Variants in PTPRD observed in about 807,000 individuals in gnomAD.
PTPRD encodes the protein protein tyrosine phosphatase receptor type D.
In PTPRD, 34 loss-of-function variants were observed where a neutral mutation model predicts 214.5. The observed-to-expected ratio is 0.16, with a 90% CI of 0.12 to 0.21. The LOEUF is 0.21. Ranked by LOEUF, PTPRD falls within the 10% of genes least tolerant of loss-of-function variation. PTPRD has a pLI of 1.00. For missense variants in PTPRD, 2,545 were observed against 2,398.7 expected, an observed-to-expected ratio of 1.06 and a Z score of -1.27; for synonymous variants, 1,128 against 845.7, an observed-to-expected ratio of 1.33 and a Z score of -5.79.
intron 8 of PTPRD, among the ~76,000 whole-genome samples, chr9:9,560,360 G>A (rs559604490): frequency 7.9e-5 from 12 of 152,316 alleles, no homozygotes; most frequent in Non-Finnish European, 1.5e-4. Flanking sequence ...TAGAAATGTT[G>A]CATCTTGCAG....
intron 11 of PTPRD, among the ~76,000 whole-genome samples, chr9:8,886,411 G>A (rs2098488556): frequency 6.6e-6 from 1 of 152,100 alleles, no homozygotes; most frequent in Admixed American, 6.6e-5. Flanking sequence ...ATAGCATATG[G>A]TTATTATGTT....
chr9:9,378,326 T>G (rs1159383898), intron 9 of PTPRD, among the ~76,000 whole-genome samples: 3 of 152,144 alleles, frequency 2.0e-5, no homozygotes, highest in African/African-American at 7.2e-5. Context: ...AATACACATT[T>G]AAGTTTCTCC....
At chr9:9,748,643 T>C (rs981514447) in intron 6 of PTPRD, among the ~76,000 whole-genome samples, 1 of 152,156 alleles carries the variant, frequency 6.6e-6, no homozygotes, top group African/African-American at 2.4e-5. Context: ...GCTGCTGAAG[T>C]CACCCACACT....
chr9:9,529,533 C>T (rs920124423), intron 8 of PTPRD, among the ~76,000 whole-genome samples: 1 of 152,010 alleles, frequency 6.6e-6, no homozygotes, highest in African/African-American at 2.4e-5. Context: ...AGATGATCAA[C>T]ATCATTAGTC....
chr9:10,332,240 A>T (rs1475812670), intron 3 of PTPRD, among the ~76,000 whole-genome samples: 1 of 151,882 alleles, frequency 6.6e-6, no homozygotes, highest in Non-Finnish European at 1.5e-5. Flanking sequence ...TTAATATACC[A>T]TAAATACCAT....
At chr9:8,669,805 G>A (rs1053808782) in intron 12 of PTPRD, among the ~76,000 whole-genome samples, 9 of 152,284 alleles carry the variant, frequency 5.9e-5, no homozygotes, top group East Asian at 1.9e-4. Context: ...TATGAATAAC[G>A]TGGAGGTTAT....
At chr9:9,425,701 T>A (rs373165647) in intron 8 of PTPRD, among the ~76,000 whole-genome samples, 21 of 151,982 alleles carry the variant, frequency 1.4e-4, no homozygotes, top group African/African-American at 5.1e-4. Flanking sequence ...GATGCAGATA[T>A]AGTTTTGAGC....
chr9:9,333,497 T>G (rs2043123138), intron 9 of PTPRD, among the ~76,000 whole-genome samples: 1 of 114,486 alleles, frequency 8.7e-6, no homozygotes, highest in Admixed American at 9.0e-5. Context: ...ATATATTATA[T>G]AGTATATTAT....
At chr9:8,442,489 A>G (rs1159899141) in intron 34 of PTPRD, among the ~76,000 whole-genome samples, 2 of 152,178 alleles carry the variant, frequency 1.3e-5, no homozygotes, top group Non-Finnish European at 2.9e-5. Flanking sequence ...ATGACTCAGT[A>G]ACAGTCTCTT....
intron 8 of PTPRD, among the ~76,000 whole-genome samples, chr9:9,437,055 G>T (rs1413713666): frequency 6.6e-6 from 1 of 152,138 alleles, no homozygotes; most frequent in Non-Finnish European, 1.5e-5. Context: ...ATATCGTCTT[G>T]CTTTCTTAAA....
intron 9 of PTPRD, among the ~76,000 whole-genome samples, chr9:9,213,859 C>G (rs995421901): frequency 6.6e-6 from 1 of 152,082 alleles, no homozygotes; most frequent in Admixed American, 6.6e-5. Flanking sequence ...AAAAATGCAA[C>G]CGATTCTGAG....
At chr9:8,668,003 T>C (rs957394934) in intron 12 of PTPRD, among the ~76,000 whole-genome samples, 2 of 152,056 alleles carry the variant, frequency 1.3e-5, no homozygotes, top group African/African-American at 4.8e-5. Context: ...AGATCACTAA[T>C]TAGAAAATAA....
intron 11 of PTPRD, among the ~76,000 whole-genome samples, chr9:8,894,141 G>C (rs1239951343): frequency 6.6e-6 from 1 of 151,986 alleles, no homozygotes; most frequent in Non-Finnish European, 1.5e-5. Flanking sequence ...ATCACCTGAG[G>C]TCAGGAGTTT....
chr9:10,105,247 G>A (rs913651687), intron 3 of PTPRD, among the ~76,000 whole-genome samples: 1 of 151,624 alleles, frequency 6.6e-6, no homozygotes, highest in Non-Finnish European at 1.5e-5. Flanking sequence ...ATTAGTCAAC[G>A]GCCCATATTT....
At chr9:10,168,786 TTC>T (rs940502629) in intron 3 of PTPRD, among the ~76,000 whole-genome samples, 2 of 152,228 alleles carry the variant, frequency 1.3e-5, no homozygotes, top group African/African-American at 4.8e-5. Flanking sequence ...GGAATTTCAG[TTC>T]TCTTTCTGAA....
At chr9:9,612,726 A>G (rs879839319) in intron 7 of PTPRD, among the ~76,000 whole-genome samples, 2 of 152,172 alleles carry the variant, frequency 1.3e-5, no homozygotes, top group Non-Finnish European at 2.9e-5. Context: ...AAAAGAAAAA[A>G]AAAGGAGATA....
intron 9 of PTPRD, among the ~76,000 whole-genome samples, chr9:9,344,248 G>C (rs1011045613): frequency 6.6e-6 from 1 of 151,916 alleles, no homozygotes; most frequent in Non-Finnish European, 1.5e-5. Flanking sequence ...AACACCACAT[G>C]TTCTCACCCA....
At chr9:9,176,606 G>A (rs765459311) in intron 10 of PTPRD, among the ~76,000 whole-genome samples, 8 of 152,290 alleles carry the variant, frequency 5.3e-5, no homozygotes, top group Admixed American at 1.3e-4. Context: ...AAAGAGGTGA[G>A]TAAGCCATGA....
At chr9:9,824,896 CTG>C (rs965854161) in intron 5 of PTPRD, among the ~76,000 whole-genome samples, 34 of 151,940 alleles carry the variant, frequency 2.2e-4, no homozygotes, top group African/African-American at 8.2e-4. Context: ...CCAGATAAAA[CTG>C]TGAATTAAGA....
Sources: allele counts gnomAD v4.1 joint callset (sites outside exome capture counted in the v4.1 genomes callset), GRCh38; gene constraint gnomAD v4.1.1; transcripts MANE v1.5; gene names NCBI Gene and HGNC (gene_info 2026-07-23, HGNC 2026-07-21).